NR2E3: variants seen among roughly 807,000 people sequenced by gnomAD.
NR2E3 encodes photoreceptor-specific nuclear receptor.
A neutral mutation model predicts 37.6 loss-of-function variants in NR2E3; 38 were observed. The observed-to-expected ratio is 1.01, with a 90% CI of 0.78 to 1.33. The LOEUF is 1.33. Ranked by LOEUF, NR2E3 falls within the 40% of genes most tolerant of loss-of-function variation. NR2E3 has a pLI of 0.00. For missense variants in NR2E3, 562 were observed against 558.7 expected (o/e 1.01, Z -0.06); for synonymous variants, 235 against 225.1 (o/e 1.04, Z -0.39).
At chr15:71,814,950 TATAAAA>T (rs2054216059) in intron 7 of NR2E3, 2 of 974,390 alleles carry the variant, frequency 2.1e-6, no homozygotes, top group Non-Finnish European at 2.4e-6. Flanking sequence ...TTGTTAAAAA[TATAAAA>T]AGGAAAGCCA....
Position 71,813,909 on chromosome 15 carries a change from C to G in NR2E3, c.995-103C>G. 6.5e-7 allele frequency: 1 copy of G among 1,541,322 alleles called. No homozygotes were observed. The highest frequency in any genetic ancestry group is 8.7e-7 in the Non-Finnish European group (1 of 1,146,394). ...CCTGGCAGAGCCCACCCCACAGGGC[C>G]CCAGGTCCATGTCTGCAGCCAGAAC... On this transcript the variant is annotated intron_variant, in intron 6 of 7. Transcript: ENST00000617575. This position sits in a 1 kb window ranked among gnomAD's most constrained non-coding sequence, Gnocchi z 4.7.
Position 71,811,100 on chromosome 15 carries a change from A to G in NR2E3, c.118+239A>G, listed in dbSNP as rs555276955. 1.9e-3 allele frequency among the ~76,000 whole-genome samples: 288 copies of G among 152,136 alleles called. 2 individuals are homozygous for G. Among genetic ancestry groups the G allele is most frequent in the Middle Eastern group, 0.014 (4 of 294 alleles). Reference sequence around the variant, plus strand: ...GACAGGACAGCCTAGCCGATGGGGAAGGAAAGAACAGAGAAGCGCCCTTAG... The same window carrying G: ...GACAGGACAGCCTAGCCGATGGGGAGGGAAAGAACAGAGAAGCGCCCTTAG... On this transcript the variant is annotated intron_variant, in intron 1 of 7. Transcript: ENST00000617575. The surrounding 1 kb of genome is among the most constrained non-coding windows in gnomAD (Gnocchi z 5.6).
rs1417303545 is a variant in NR2E3 at position 71,810,754 on chromosome 15, G to A, written c.11G>A (p.Arg4Lys). 9 of 1,570,238 alleles carry A rather than the reference G, an allele frequency of 5.7e-6. No individual in the cohort carries two copies. In the Admixed American group the frequency reaches 1.5e-4, roughly 26 times the overall value. MET[R>K]PTALMSSTVA... Reference sequence around the variant, plus strand: ...GCTGCCCTGTAACCCATGGAGACCAGACCAACAGCTCTGATGAGCTCCACA... The same window carrying A: ...GCTGCCCTGTAACCCATGGAGACCAAACCAACAGCTCTGATGAGCTCCACA... Residue 4 changes from arginine (R) to lysine (K), a missense_variant, in exon 1 of 8, where the codon AGA (arginine) becomes AAA (lysine). Physicochemically the swap from Arg to Lys is conservative, Grantham distance 26 (BLOSUM62 2). Transcript: ENST00000617575.
At chr15:71,817,316 T>A (rs895376571) in intron 7 of NR2E3, 1 of 307,676 alleles carries the variant, frequency 3.3e-6, no homozygotes, top group Non-Finnish European at 6.1e-6. Context: ...GCCAGGATGG[T>A]CTCGATCTCC....
chr15:71,812,314 T>C, intron 4 of NR2E3, 22 bp from the exon 5 acceptor site: 1 of 1,613,802 alleles, frequency 6.2e-7, no homozygotes, highest in Non-Finnish European at 8.5e-7. Flanking sequence ...GGCGCTAAGA[T>C]CACAACCTCC....
Position 71,811,892 on chromosome 15 carries a change from G to A in NR2E3, c.349+23G>A, listed in dbSNP as rs1459761616. The A allele has an allele frequency of 1.3e-6, 2 of 1,550,382 alleles. No individual in the cohort carries two copies. The highest frequency in any genetic ancestry group is 1.4e-5 in the African/African-American group (1 of 73,160). Reference sequence around the variant, plus strand: ...ACGGTGAGGCGGGGGCTGGCCCGGGGGGAGGTGACAAGAAATGGGCAGCGG... The same window carrying A: ...ACGGTGAGGCGGGGGCTGGCCCGGGAGGAGGTGACAAGAAATGGGCAGCGG... On this transcript the variant is annotated intron_variant, in intron 3 of 7. Transcript: ENST00000617575. This position sits in a 1 kb window ranked among gnomAD's most constrained non-coding sequence, Gnocchi z 5.6.
chr15:71,812,429 A>C lies in NR2E3; in HGVS notation c.665A>C (p.Glu222Ala). ...SSPCGLDSIHETSARLLFMAV... is the reference protein window; with the variant it reads ...SSPCGLDSIHATSARLLFMAV... The stretch of plus-strand genomic sequence containing the variant: ...CCCTGCGGCCTGGACAGCATCCATG[A>C]GACCTCGGCTCGCCTACTCTTCATG... The change falls in exon 5 of 8, where the codon GAG becomes GCG. Residue 222 changes from glutamate (E) to alanine (A), a missense_variant. Glu to Ala is a moderately radical substitution (Grantham distance 107). Transcript: ENST00000617575. The C allele has an allele frequency of 6.2e-7, 1 of 1,613,930 alleles. No homozygotes were observed.
Position 71,811,817 on chromosome 15 carries a change from G to A in NR2E3, c.297G>A (p.Gln99=). 6.4e-7 allele frequency: 1 copy of A among 1,551,440 alleles called. No homozygotes were observed. The highest frequency in any genetic ancestry group is 1.4e-5 in the African/African-American group (1 of 73,166). ...MCPVDKAHRN[Q]CQACRLKKCL... ...CCGTGGACAAGGCCCACCGCAACCA[G>A]TGCCAGGCCTGCCGGCTGAAGAAGT... The change falls in exon 3 of 8, where the codon CAG becomes CAA. Residue 99 remains glutamine, a synonymous_variant. Transcript: ENST00000617575. The surrounding 1 kb of genome is among the most constrained non-coding windows in gnomAD (Gnocchi z 5.6).
chr15:71,814,017 C>G lies in NR2E3; in HGVS notation c.1000C>G (p.Arg334Gly). The G allele has an allele frequency of 3.1e-6, 5 of 1,611,414 alleles. No homozygotes were observed. Among genetic ancestry groups the G allele is most frequent in the East Asian group, 4.5e-5 (2 of 44,832 alleles). Residue 334 changes from arginine to glycine, a missense_variant, in exon 7 of 8, where the codon CGG (arginine) becomes GGG (glycine). Arg to Gly is a moderately radical substitution (Grantham distance 125). Transcript: ENST00000617575. Reference sequence around the variant, plus strand: ...CTGGTGCTGCTTCTCCCCAGAGACGCGGGGCCTGAAGGATCCTGAGCACGT... The same window carrying G: ...CTGGTGCTGCTTCTCCCCAGAGACGGGGGGCCTGAAGGATCCTGAGCACGT... ...KALVLFKPET[R>G]GLKDPEHVEA...
chr15:71,816,506 C>T (rs1158520661), intron 7 of NR2E3, among the ~76,000 whole-genome samples: 25 of 152,106 alleles, frequency 1.6e-4, no homozygotes, highest in Admixed American at 1.3e-3. Flanking sequence ...GTGTTCCGCC[C>T]GCCTCGGCCT....
rs918428110 is a variant in NR2E3 at position 71,811,915 on chromosome 15, C to G, written c.350-40C>G. On this transcript the variant is annotated intron_variant, in intron 3 of 7. Transcript: ENST00000617575. This position sits in a 1 kb window ranked among gnomAD's most constrained non-coding sequence, Gnocchi z 5.6. ...GGGGGAGGTGACAAGAAATGGGCAGCGGGACTGGCGTGTCGTCCTGACCCT... is the reference window on the plus strand; with the variant it reads ...GGGGGAGGTGACAAGAAATGGGCAGGGGGACTGGCGTGTCGTCCTGACCCT... The G allele has an allele frequency of 5.2e-6, 8 of 1,548,690 alleles. No individual in the cohort carries two copies. The Admixed American group carries it at 1.4e-4, about 27-fold the overall frequency.
chr15:71,811,146 C>A lies in NR2E3; in HGVS notation c.118+285C>A, dbSNP rs573395346. Reference sequence around the variant, plus strand: ...CTTAGGGCTTAACAGCACAGAGGTCCCTAGTGGCGTTGACAAGAATGTTTC... The same window carrying A: ...CTTAGGGCTTAACAGCACAGAGGTCACTAGTGGCGTTGACAAGAATGTTTC... On this transcript the variant is annotated intron_variant, in intron 1 of 7. Coordinates refer to ENST00000617575, the MANE Select transcript of NR2E3 (RefSeq NM_014249.4). This position sits in a 1 kb window ranked among gnomAD's most constrained non-coding sequence, Gnocchi z 5.6. 2.5e-4 allele frequency among the ~76,000 whole-genome samples: 38 copies of A among 152,170 alleles called. No homozygotes were observed. In the South Asian group the frequency reaches 7.9e-3, roughly 32 times the overall value.
rs986826127 is a variant in NR2E3, at chr15:71,811,160, C to T, written c.118+299C>T. On this transcript the variant is annotated intron_variant, in intron 1 of 7. Transcript: ENST00000617575. This position sits in a 1 kb window ranked among gnomAD's most constrained non-coding sequence, Gnocchi z 5.6. ...GCACAGAGGTCCCTAGTGGCGTTGA[C>T]AAGAATGTTTCTGTGGGATGATGGA... 1.6e-4 allele frequency among the ~76,000 whole-genome samples: 24 copies of T among 152,040 alleles called. No individual in the cohort carries two copies. Among genetic ancestry groups the T allele is most frequent in the Admixed American group, 1.6e-3 (24 of 15,278 alleles).
At chr15:71,816,828 T>TTAAGTTGAAGCTACTG (rs2140294227) in intron 7 of NR2E3, among the ~76,000 whole-genome samples, 1 of 152,130 alleles carries the variant, frequency 6.6e-6, no homozygotes, top group African/African-American at 2.4e-5. Flanking sequence ...AAACCCATTG[T>TTAAGTTGAAGCTACTG]TAAGTTGAAG....
chr15:71,814,214 C>T, intron 7 of NR2E3, 97 bp downstream of exon 7: 1 of 1,492,484 alleles, frequency 6.7e-7, no homozygotes, highest in East Asian at 2.5e-5. Flanking sequence ...TTAGACAGCA[C>T]AAGGGTCTCA....
At chr15:71,816,257 C>CTTTTT (rs59789846) in intron 7 of NR2E3, among the ~76,000 whole-genome samples, 49 of 121,986 alleles carry the variant, frequency 4.0e-4, no homozygotes, top group East Asian at 1.1e-3. Context: ...TTAGCAAATA[C>CTTTTT]TTTTTTTTTT....
In NR2E3 at chr15:71,811,736, T is replaced by C; in HGVS notation, c.246-30T>C. ...ATGGCTCAGGGCATGGGAGGGACAC[T>C]GACCCCTGGGGTCTCCTCTTCACCT... On this transcript the variant is annotated intron_variant, in intron 2 of 7. Transcript: ENST00000617575. This position sits in a 1 kb window ranked among gnomAD's most constrained non-coding sequence, Gnocchi z 5.6. The C allele has an allele frequency of 6.5e-7, 1 of 1,547,486 alleles. No homozygotes were observed. Among genetic ancestry groups the C allele is most frequent in the South Asian group, 1.2e-5 (1 of 83,926 alleles).
Position 71,812,155 on chromosome 15 carries a change from G to T in NR2E3, c.550G>T (p.Ala184Ser). ...CAGCCTTATAACAGCTGAAACCTGTGCTAAGCTGGAGCCAGAGGATGGTGA... is the reference window on the plus strand; with the variant it reads ...CAGCCTTATAACAGCTGAAACCTGTTCTAAGCTGGAGCCAGAGGATGGTGA... ...MASLITAETCAKLEPEDADEN... is the reference protein window; with the variant it reads ...MASLITAETCSKLEPEDADEN... Residue 184 changes from alanine (A) to serine (S), a missense_variant, in exon 4 of 8, where the codon GCT becomes TCT. By Grantham distance (99) the Ala-to-Ser change is moderately conservative. Coordinates refer to ENST00000617575, the MANE Select transcript of NR2E3 (RefSeq NM_014249.4). The T allele has an allele frequency of 6.4e-7, 1 of 1,572,098 alleles. No homozygotes were observed. Among genetic ancestry groups the T allele is most frequent in the Non-Finnish European group, 8.6e-7 (1 of 1,159,296 alleles).
Position 71,814,001 on chromosome 15 carries a change from C to G in NR2E3, c.995-11C>G, listed in dbSNP as rs1474211217. 3 of 1,608,368 alleles carry G rather than the reference C, an allele frequency of 1.9e-6. No homozygotes were observed. The highest frequency in any genetic ancestry group is 2.5e-6 in the Non-Finnish European group (3 of 1,177,950). On this transcript the variant is annotated splice_polypyrimidine_tract_variant and intron_variant, in intron 6 of 7. Transcript: ENST00000617575. ...ACCTGTGCTAAGCTCACTGGTGCTG[C>G]TTCTCCCCAGAGACGCGGGGCCTGA...
Sources: gnomAD v4.1 joint callset for allele counts (sites outside exome capture counted in the v4.1 genomes callset) on GRCh38, gnomAD v4.1.1 for gene constraint, Gnocchi (gnomAD v3.1) non-coding constraint, MANE v1.5 for transcripts, NCBI Gene and HGNC (gene_info 2026-07-23, HGNC 2026-07-21) for gene names.